The following LRFN5 variants were observed in gnomAD, a reference collection of about 807,000 sequenced individuals.
The protein encoded by LRFN5 is leucine rich repeat and fibronectin type III domain containing 5.
Under a neutral mutation model 45.6 loss-of-function variants are expected in LRFN5, and 24 were observed. The observed-to-expected ratio is 0.53, with a 90% CI of 0.38 to 0.74. LRFN5 has a LOEUF of 0.74. Among genes scored for constraint, LRFN5 ranks in the 30% least tolerant of loss-of-function variants. The pLI, the probability that LRFN5 is intolerant of heterozygous loss-of-function variation, is 0.00. For missense variants in LRFN5, 776 were observed against 861.5 expected (o/e 0.90, Z 1.24); for synonymous variants, 340 against 313.8 (o/e 1.08, Z -0.88).
chr14:41,634,537 A>C (rs933598188), intron 1 of LRFN5, among the ~76,000 whole-genome samples: 12 of 152,194 alleles, frequency 7.9e-5, no homozygotes, highest in Non-Finnish European at 1.0e-4. Context: ...GAATCATATA[A>C]TTTGGTAACT....
intron 1 of LRFN5, among the ~76,000 whole-genome samples, chr14:41,703,261 A>T (rs1037629054): frequency 7.9e-5 from 12 of 152,216 alleles, no homozygotes; most frequent in Non-Finnish European, 5.9e-5. Flanking sequence ...TTTACATAGC[A>T]TGTGCATATG....
chr14:41,887,126 T>G lies in LRFN5; in HGVS notation c.501T>G (p.Val167=), dbSNP rs1330527471. The G allele has an allele frequency of 1.9e-6, 3 of 1,614,086 alleles. No individual in the cohort carries two copies. In the South Asian group the frequency reaches 3.3e-5, roughly 18 times the overall value. The change falls in exon 3 of 6, where the codon GTT becomes GTG. Residue 167 remains valine (V), a synonymous_variant. Transcript: ENST00000298119. The surrounding 1 kb of genome is among the most constrained non-coding windows in gnomAD (Gnocchi z 4.8). Reference sequence around the variant, plus strand: ...TAGAAACCATTCCTTGGGATGCTGTTGAGAAGATGGTTAGCTTGCATACCC... The same window carrying G: ...TAGAAACCATTCCTTGGGATGCTGTGGAGAAGATGGTTAGCTTGCATACCC... ...NNLETIPWDA[V]EKMVSLHTLS...
intron 2 of LRFN5, among the ~76,000 whole-genome samples, chr14:41,806,628 G>A (rs571054266): frequency 2.4e-4 from 37 of 152,268 alleles, no homozygotes; most frequent in Non-Finnish European, 4.4e-4. Context: ...CCAGATGTTG[G>A]TGATGATGAA....
At chr14:41,762,889 A>C (rs1885728123) in intron 1 of LRFN5, among the ~76,000 whole-genome samples, 2 of 152,138 alleles carry the variant, frequency 1.3e-5, no homozygotes, top group Non-Finnish European at 2.9e-5. Flanking sequence ...TTTTAACACA[A>C]AGTAAATATA....
At chr14:41,624,827 T>C (rs375091721) in intron 1 of LRFN5, among the ~76,000 whole-genome samples, 1 of 152,138 alleles carries the variant, frequency 6.6e-6, no homozygotes, top group African/African-American at 2.4e-5. Context: ...CACGTAGACA[T>C]TCACAGGATT....
intron 1 of LRFN5, among the ~76,000 whole-genome samples, chr14:41,652,528 C>T (rs1594583821): frequency 6.6e-6 from 1 of 152,048 alleles, no homozygotes; most frequent in Non-Finnish European, 1.5e-5. Flanking sequence ...ATAAGTTTAG[C>T]ATTTAATATT....
At chr14:41,848,459 G>T (rs1889145669) in intron 2 of LRFN5, among the ~76,000 whole-genome samples, 1 of 151,200 alleles carries the variant, frequency 6.6e-6, no homozygotes, top group South Asian at 2.1e-4. Context: ...TGTACAGCGG[G>T]AGTTATGGCT....
intron 2 of LRFN5, among the ~76,000 whole-genome samples, chr14:41,767,310 A>G (rs1274085193): frequency 6.6e-6 from 1 of 152,042 alleles, no homozygotes; most frequent in East Asian, 1.9e-4. Flanking sequence ...TTACAACCCT[A>G]AGGCCTGGAC....
At chr14:41,721,937 C>T (rs1883732132) in intron 1 of LRFN5, among the ~76,000 whole-genome samples, 1 of 151,992 alleles carries the variant, frequency 6.6e-6, no homozygotes, top group Non-Finnish European at 1.5e-5. Flanking sequence ...GGGAAATTTT[C>T]TTGAATTAAT....
chr14:41,750,076 G>A (rs936691967), intron 1 of LRFN5, among the ~76,000 whole-genome samples: 1 of 151,830 alleles, frequency 6.6e-6, no homozygotes, highest in Non-Finnish European at 1.5e-5. Flanking sequence ...GATGAGATAA[G>A]TTTAAACATA....
intron 2 of LRFN5, among the ~76,000 whole-genome samples, chr14:41,832,375 A>T (rs1888514644): frequency 6.6e-6 from 1 of 152,202 alleles, no homozygotes; most frequent in Non-Finnish European, 1.5e-5. Flanking sequence ...TAATTATAGT[A>T]GCAATACAAT....
intron 1 of LRFN5, among the ~76,000 whole-genome samples, chr14:41,609,130 A>G (rs536051378): frequency 6.6e-6 from 1 of 152,336 alleles, no homozygotes; most frequent in Admixed American, 6.5e-5. Flanking sequence ...AAGGGAATAC[A>G]TATTGTCACG....
At chr14:41,705,746 A>G (rs1446132771) in intron 1 of LRFN5, among the ~76,000 whole-genome samples, 5 of 152,204 alleles carry the variant, frequency 3.3e-5, no homozygotes, top group African/African-American at 1.2e-4. Flanking sequence ...TTTTATATAC[A>G]GGGTTTACAC....
intron 1 of LRFN5, among the ~76,000 whole-genome samples, chr14:41,648,040 C>A (rs560083859): frequency 3.6e-4 from 55 of 152,246 alleles, no homozygotes; most frequent in African/African-American, 1.3e-3. Flanking sequence ...ACATCTATAT[C>A]TTTTTATATA....
intron 2 of LRFN5, among the ~76,000 whole-genome samples, chr14:41,847,498 A>G (rs1411323803): frequency 1.3e-5 from 2 of 152,094 alleles, no homozygotes; most frequent in Non-Finnish European, 2.9e-5. Context: ...ACTCCTTAAT[A>G]CTTCTCAAAT....
At chr14:41,903,154 A>C (rs566965815) in intron 5 of LRFN5, among the ~76,000 whole-genome samples, 1 of 151,528 alleles carries the variant, frequency 6.6e-6, no homozygotes, top group Non-Finnish European at 1.5e-5. Flanking sequence ...AATTATTTTG[A>C]AATGTTTTCT....
At chr14:41,626,935 T>C (rs567943422) in intron 1 of LRFN5, among the ~76,000 whole-genome samples, 35 of 152,246 alleles carry the variant, frequency 2.3e-4, no homozygotes, top group African/African-American at 7.9e-4. Flanking sequence ...GAAGCTACAC[T>C]TTTGAAAACA....
chr14:41,781,770 T>G (rs1886538324), intron 2 of LRFN5, among the ~76,000 whole-genome samples: 1 of 152,026 alleles, frequency 6.6e-6, no homozygotes, highest in African/African-American at 2.4e-5. Context: ...AGAAAGCCTT[T>G]ATTTCTTTTT....
intron 1 of LRFN5, among the ~76,000 whole-genome samples, chr14:41,676,269 C>T (rs1011365319): frequency 6.6e-6 from 1 of 152,206 alleles, no homozygotes; most frequent in Admixed American, 6.5e-5. Context: ...GGGCTACTTC[C>T]CCTTGTGGTG....
Sources: allele counts gnomAD v4.1 joint callset (sites outside exome capture counted in the v4.1 genomes callset), GRCh38; gene constraint gnomAD v4.1.1; non-coding constraint Gnocchi (gnomAD v3.1); transcripts MANE v1.5; gene names NCBI Gene and HGNC (gene_info 2026-07-23, HGNC 2026-07-21).